Variants in SLC25A29 observed in about 807,000 individuals in gnomAD.
SLC25A29 encodes the protein mitochondrial basic amino acids transporter.
Under a neutral mutation model 10.0 loss-of-function variants are expected in SLC25A29, and 13 were observed. That is an observed-to-expected ratio of 1.30 (90% CI 0.85 to 2.07). The LOEUF is 2.07. Among genes scored for constraint, SLC25A29 ranks in the 30% most tolerant of loss-of-function variants. SLC25A29 has a pLI of 0.00. For missense variants in SLC25A29, 475 were observed against 447.6 expected, an observed-to-expected ratio of 1.06 and a Z score of -0.55; for synonymous variants, 244 against 221.1, an observed-to-expected ratio of 1.10 and a Z score of -0.92.
In SLC25A29 at chr14:100,292,580, G is replaced by A; in HGVS notation, c.615C>T (p.Leu205=). The change falls in exon 4 of 4, where the codon CTC becomes CTT. Residue 205 remains leucine (L), a synonymous_variant. Coordinates refer to ENST00000359232, the MANE Select transcript of SLC25A29 (RefSeq NM_001039355.3). ...AGGTSGIVSW[L]STYPVDVVKS... ...TGACCACGTCCACAGGATAGGTAGA[G>A]AGCCAGGACACGATGCCTGACGTAC... 1 of 1,603,868 alleles carries A rather than the reference G, an allele frequency of 6.2e-7. No individual in the cohort carries two copies. Among genetic ancestry groups the A allele is most frequent in the Non-Finnish European group, 8.5e-7 (1 of 1,176,168 alleles).
chr14:100,290,038 C>A (rs550991231), downstream of SLC25A29, among the ~76,000 whole-genome samples: 14 of 152,318 alleles, frequency 9.2e-5, no homozygotes, highest in South Asian at 1.5e-3. Flanking sequence ...AAGGGCTGGC[C>A]TGTCTGTGTG....
intron 2 of SLC25A29, chr14:100,295,537 C>T (rs1892083636): frequency 1.6e-6 from 2 of 1,244,334 alleles, no homozygotes; most frequent in Non-Finnish European, 2.1e-6. Flanking sequence ...CTCCCTGTCC[C>T]CTGCTACGGA....
chr14:100,281,013 T>TC, the SLC25A29 span: 6 of 123,622 alleles, frequency 4.9e-5, no homozygotes, highest in Non-Finnish European at 1.6e-5. Context: ...TGAGCCGAGA[T>TC]CGCACCACTG....
downstream of SLC25A29, among the ~76,000 whole-genome samples, chr14:100,290,859 T>TCA (rs1164180163): frequency 6.6e-6 from 1 of 152,202 alleles, no homozygotes; most frequent in Non-Finnish European, 1.5e-5. Flanking sequence ...CCTCTCTCTC[T>TCA]CATTGCTGGG....
chr14:100,306,175 C>T, intron 1 of SLC25A29, 24 bp downstream of exon 1: 1 of 1,462,098 alleles, frequency 6.8e-7, no homozygotes. Flanking sequence ...CGCCCCGGCC[C>T]GGCCCGGCCC....
At chr14:100,304,993 G>A (rs944697563) in intron 1 of SLC25A29, 3 of 152,236 alleles carry the variant, frequency 2.0e-5, no homozygotes, top group African/African-American at 4.8e-5. Context: ...GATCAGAAGC[G>A]GGAGGGGAAG....
chr14:100,299,721 G>GA, intron 1 of SLC25A29: 1 of 985,162 alleles, frequency 1.0e-6, no homozygotes, highest in South Asian at 4.7e-5. Context: ...TTTCACAGGA[G>GA]AAACAGGCTC....
chr14:100,285,751 G>T, the SLC25A29 span, among the ~76,000 whole-genome samples: 3 of 152,098 alleles, frequency 2.0e-5, no homozygotes, highest in African/African-American at 4.8e-5. Flanking sequence ...CGGCGGCGAC[G>T]CCCGAGGAGG....
the SLC25A29 span, among the ~76,000 whole-genome samples, chr14:100,285,199 G>C: frequency 6.6e-6 from 1 of 152,004 alleles, no homozygotes; most frequent in African/African-American, 2.4e-5. Context: ...GCCAGCCCTA[G>C]CCCCTGCCCG....
At chr14:100,296,153 G>C (rs1423538162) in intron 2 of SLC25A29, 1 of 687,188 alleles carries the variant, frequency 1.5e-6, no homozygotes, top group East Asian at 6.7e-5. Flanking sequence ...AGTGAGGACA[G>C]TGGGCCAGGC....
the SLC25A29 span, chr14:100,280,971 A>G: frequency 6.7e-6 from 1 of 149,752 alleles, no homozygotes; most frequent in Non-Finnish European, 1.5e-5. Flanking sequence ...GAGGCAGGAG[A>G]ACGGCGTGAA....
At chr14:100,293,073 C>T (rs1891877390) in intron 3 of SLC25A29, 41 bp from the exon 4 acceptor site, 1 of 1,484,508 alleles carries the variant, frequency 6.7e-7, no homozygotes, top group South Asian at 1.4e-5. Context: ...CAACGCGCAC[C>T]TCCCGGGCCC....
downstream of SLC25A29, among the ~76,000 whole-genome samples, chr14:100,289,009 T>C (rs183805981): frequency 1.9e-3 from 291 of 152,186 alleles, no homozygotes; most frequent in African/African-American, 6.9e-3. Flanking sequence ...AGAGAAGACA[T>C]GGAGACACAG....
chr14:100,305,579 C>T (rs370861579), intron 1 of SLC25A29: 4 of 152,278 alleles, frequency 2.6e-5, no homozygotes, highest in African/African-American at 9.7e-5. Flanking sequence ...ACCCCAGAGC[C>T]GCGACCGCGC....
the SLC25A29 span, chr14:100,280,714 A>G: frequency 7.5e-3 from 1,144 of 152,170 alleles, 12 homozygotes; most frequent in African/African-American, 0.026. Context: ...CGTGTTTCCA[A>G]GCAGAGTTCA....
intron 1 of SLC25A29, among the ~76,000 whole-genome samples, chr14:100,301,988 C>T (rs1463618302): frequency 1.3e-5 from 2 of 152,070 alleles, no homozygotes; most frequent in Non-Finnish European, 2.9e-5. Context: ...CAATGCACAA[C>T]GATGCCCTCT....
At chr14:100,299,133 T>A (rs1418317782) in intron 1 of SLC25A29, 3 of 1,383,502 alleles carry the variant, frequency 2.2e-6, no homozygotes, top group Non-Finnish European at 2.8e-6. Flanking sequence ...TGGTGTCCCA[T>A]CTGCAGGCTG....
At chr14:100,282,509 G>A in the SLC25A29 span, 2 of 152,142 alleles carry the variant, frequency 1.3e-5, no homozygotes, top group African/African-American at 4.8e-5. Context: ...GAAAAATTAT[G>A]TTTTTATTCG....
intron 1 of SLC25A29, among the ~76,000 whole-genome samples, chr14:100,302,453 G>A (rs989013174): frequency 3.3e-5 from 5 of 150,362 alleles, no homozygotes; most frequent in Non-Finnish European, 7.4e-5. Context: ...TCTGTCTCCC[G>A]GGTTTAAGTG....
Sources: allele counts gnomAD v4.1 joint callset (sites outside exome capture counted in the v4.1 genomes callset), GRCh38; gene constraint gnomAD v4.1.1; transcripts MANE v1.5; gene names NCBI Gene and HGNC (gene_info 2026-07-23, HGNC 2026-07-21).